PDE4D: variants seen among roughly 807,000 people sequenced by gnomAD.
The protein encoded by PDE4D is phosphodiesterase 4D.
In PDE4D, 24 loss-of-function variants were observed where a neutral mutation model predicts 87.4. That is an observed-to-expected ratio of 0.27 (90% CI 0.20 to 0.39). The LOEUF (loss-of-function observed/expected upper bound fraction) is 0.39, where lower values mean the gene tolerates loss of function less well. PDE4D is among the 10% of genes least tolerant of loss of function. PDE4D has a pLI of 1.00. For synonymous variants in PDE4D, 384 were observed against 383.2 expected (o/e 1.00, Z -0.02); for missense variants, 714 against 1,041.0 (o/e 0.69, Z 4.32).
intron 1 of PDE4D, among the ~76,000 whole-genome samples, chr5:59,619,444 T>C (rs560802760): frequency 2.0e-5 from 3 of 152,364 alleles, no homozygotes; most frequent in Admixed American, 2.0e-4. Context: ...ATCTGTGGAA[T>C]TTCTGAATAA....
chr5:59,205,855 T>C (rs1018581407), intron 2 of PDE4D, among the ~76,000 whole-genome samples: 3 of 152,162 alleles, frequency 2.0e-5, no homozygotes, highest in Non-Finnish European at 4.4e-5. Context: ...TTAAAAAATT[T>C]TGGACTTGGG....
At chr5:60,045,720 A>T (rs1447765686) in intron 2 of PDE4D, among the ~76,000 whole-genome samples, 1 of 152,148 alleles carries the variant, frequency 6.6e-6, no homozygotes, top group African/African-American at 2.4e-5. Context: ...CCATTGATCT[A>T]TATGTCTGTT....
chr5:60,107,337 A>G (rs957049770), intron 2 of PDE4D, among the ~76,000 whole-genome samples: 1 of 152,106 alleles, frequency 6.6e-6, no homozygotes, highest in Non-Finnish European at 1.5e-5. Context: ...ATAGACCAAT[A>G]ACAGGATCTG....
intron 2 of PDE4D, among the ~76,000 whole-genome samples, chr5:60,126,444 C>T (rs1779130406): frequency 6.6e-6 from 1 of 152,052 alleles, no homozygotes. Context: ...TTTATTACCA[C>T]TTCTACCAAA....
chr5:59,749,189 T>C (rs111796125), intron 1 of PDE4D, among the ~76,000 whole-genome samples: 3,903 of 152,340 alleles, frequency 0.026, 72 homozygotes, highest in Non-Finnish European at 0.039. Flanking sequence ...GCCAATGCAA[T>C]GATCAATTCT....
At chr5:59,697,471 C>T (rs298087) in intron 1 of PDE4D, among the ~76,000 whole-genome samples, 131,102 of 152,238 alleles carry the variant, frequency 0.86, 56,925 homozygotes, top group East Asian at 1. Context: ...CTATGTACTA[C>T]AGGTATTCAA....
intron 2 of PDE4D, among the ~76,000 whole-genome samples, chr5:60,091,588 A>G (rs1354803437): frequency 6.6e-6 from 1 of 152,138 alleles, no homozygotes; most frequent in Non-Finnish European, 1.5e-5. Context: ...GTTCCTCAAA[A>G]AATTAAAAAT....
chr5:59,376,014 A>G (rs1784662603), intron 1 of PDE4D, among the ~76,000 whole-genome samples: 1 of 152,200 alleles, frequency 6.6e-6, no homozygotes, highest in African/African-American at 2.4e-5. Context: ...CTCTCAATAA[A>G]CTAGGTATTG....
At chr5:59,746,595 G>C (rs1407976636) in intron 1 of PDE4D, among the ~76,000 whole-genome samples, 1 of 152,038 alleles carries the variant, frequency 6.6e-6, no homozygotes, top group Non-Finnish European at 1.5e-5. Flanking sequence ...AGATGGCTCT[G>C]TAAATCCCCT....
intron 1 of PDE4D, among the ~76,000 whole-genome samples, chr5:59,860,528 T>C (rs1295710516): frequency 1.3e-5 from 2 of 152,200 alleles, no homozygotes; most frequent in Admixed American, 1.3e-4. Flanking sequence ...TTGTGCTAAT[T>C]GCTGAGCAGA....
intron 1 of PDE4D, among the ~76,000 whole-genome samples, chr5:59,827,390 T>G (rs1770452710): frequency 2.0e-5 from 3 of 152,144 alleles, no homozygotes; most frequent in Admixed American, 2.0e-4. Flanking sequence ...TGTTAAACAT[T>G]GTTGCATCAT....
intron 2 of PDE4D, among the ~76,000 whole-genome samples, chr5:60,054,233 C>T (rs1436321174): frequency 1.3e-5 from 2 of 152,126 alleles, no homozygotes; most frequent in East Asian, 3.8e-4. Context: ...GACACATGCA[C>T]ATGTATGTTT....
chr5:59,223,187 G>A (rs1056951835), intron 1 of PDE4D, among the ~76,000 whole-genome samples: 16 of 151,742 alleles, frequency 1.1e-4, no homozygotes, highest in African/African-American at 3.9e-4. Context: ...TAACATCTGG[G>A]GAGGGTGGAG....
chr5:60,334,949 CA>C (rs1757615164), intron 1 of PDE4D: 1 of 152,086 alleles, frequency 6.6e-6, no homozygotes, highest in Non-Finnish European at 1.5e-5. Context: ...AGTCTGAAAA[CA>C]GCTGAACAGG....
chr5:59,688,760 C>CA (rs1195526433), intron 1 of PDE4D, among the ~76,000 whole-genome samples: 8 of 152,002 alleles, frequency 5.3e-5, no homozygotes, highest in African/African-American at 1.4e-4. Context: ...AAAAACCCTT[C>CA]AAAAAATCAA....
rs73758880 is a variant in PDE4D at position 59,750,178 on chromosome 5, G to C, written c.455+142990C>G. On this transcript the variant is annotated intron_variant, in intron 1 of 14. Coordinates refer to ENST00000340635, the MANE Select transcript of PDE4D (RefSeq NM_001104631.2). ...CCTGGGTTACTTCAATAGTTTAACT[G>C]GTCTCTGCTTCCATTTTCCCCACAT... Among the ~76,000 whole-genome samples, 941 of 149,224 alleles carry C rather than the reference G, an allele frequency of 6.3e-3. 5 individuals are homozygous for C. Among genetic ancestry groups the C allele is most frequent in the African/African-American group, 0.023 (910 of 40,298 alleles).
intron 1 of PDE4D, among the ~76,000 whole-genome samples, chr5:60,380,570 C>T (rs1761780789): frequency 6.6e-6 from 1 of 152,230 alleles, no homozygotes; most frequent in Non-Finnish European, 1.5e-5. Context: ...TGGAGCAGAG[C>T]TGCAGTCAAC....
intron 1 of PDE4D, among the ~76,000 whole-genome samples, chr5:59,389,154 CCT>C (rs1787724223): frequency 1.3e-5 from 2 of 151,716 alleles, no homozygotes; most frequent in Admixed American, 1.3e-4. Flanking sequence ...TTCAAAGCAC[CCT>C]GAGATACCCA....
intron 1 of PDE4D, among the ~76,000 whole-genome samples, chr5:59,419,290 A>C (rs375352254): frequency 2.6e-5 from 4 of 152,292 alleles, no homozygotes; most frequent in East Asian, 3.9e-4. Context: ...TTGTCTGAGC[A>C]GTTCGACTTT....
Sources: gnomAD v4.1 joint callset for allele counts (sites outside exome capture counted in the v4.1 genomes callset) on GRCh38, gnomAD v4.1.1 for gene constraint, MANE v1.5 for transcripts, NCBI Gene and HGNC (gene_info 2026-07-23, HGNC 2026-07-21) for gene names.